The following SLC68A1 variants were observed in gnomAD, a reference collection of about 807,000 sequenced individuals.
SLC68A1 encodes the protein major facilitator superfamily domain containing 13A.
chr10:102,472,776 T>G, the SLC68A1 span: 1 of 1,034,736 alleles, frequency 9.7e-7, no homozygotes, highest in Non-Finnish European at 1.5e-6. Context: ...GGGGGGGATG[T>G]GTGTTCCCCT....
At chr10:102,463,291 T>C in the SLC68A1 span, among the ~76,000 whole-genome samples, 1 of 151,270 alleles carries the variant, frequency 6.6e-6, no homozygotes, top group South Asian at 2.1e-4. Context: ...TGCCTCAGCC[T>C]CCCGAGTAAG....
chr10:102,472,037 C>T, the SLC68A1 span: 1 of 455,842 alleles, frequency 2.2e-6, no homozygotes, highest in Non-Finnish European at 4.4e-6. Flanking sequence ...GTGGCTCACG[C>T]CTGTAATCCC....
At chr10:102,470,023 G>A in the SLC68A1 span, 1 of 1,614,044 alleles carries the variant, frequency 6.2e-7, no homozygotes, top group Non-Finnish European at 8.5e-7. Flanking sequence ...CAGCCTCAAT[G>A]ACCCCCTCTT....
At chr10:102,473,110 G>A in the SLC68A1 span, 1 of 661,350 alleles carries the variant, frequency 1.5e-6, no homozygotes, top group Non-Finnish European at 2.7e-6. Flanking sequence ...ACAGGTGTGA[G>A]CCACTGCGCC....
chr10:102,464,187 C>T, the SLC68A1 span, among the ~76,000 whole-genome samples: 1 of 152,194 alleles, frequency 6.6e-6, no homozygotes, highest in Non-Finnish European at 1.5e-5. Flanking sequence ...CACGGTGGCT[C>T]TCGCCTGTGA....
the SLC68A1 span, among the ~76,000 whole-genome samples, chr10:102,475,549 G>A: frequency 6.6e-6 from 1 of 152,118 alleles, no homozygotes; most frequent in East Asian, 1.9e-4. Context: ...GGTGGATGGT[G>A]GTGCCCGTCA....
At chr10:102,469,456 A>G in the SLC68A1 span, among the ~76,000 whole-genome samples, 1 of 152,062 alleles carries the variant, frequency 6.6e-6, no homozygotes, top group Non-Finnish European at 1.5e-5. Context: ...ATGTTCACGT[A>G]TATGAATTTA....
chr10:102,469,798 CGGCCTCCCAAAGT>C, the SLC68A1 span: 2 of 974,618 alleles, frequency 2.1e-6, no homozygotes, highest in African/African-American at 3.5e-5. Flanking sequence ...CCACCTGCCT[CGGCCTCCCAAAGT>C]GCTGGTGTGA....
At chr10:102,471,594 A>C in the SLC68A1 span, among the ~76,000 whole-genome samples, 3 of 152,150 alleles carry the variant, frequency 2.0e-5, no homozygotes, top group East Asian at 5.8e-4. Context: ...ACCCCATAAA[A>C]ATACAAAAAT....
chr10:102,469,531 A>T, the SLC68A1 span, among the ~76,000 whole-genome samples: 1 of 149,182 alleles, frequency 6.7e-6, no homozygotes, highest in Non-Finnish European at 1.5e-5. Context: ...CAGTGGTTTG[A>T]CTGGCAGAGT....
the SLC68A1 span, chr10:102,470,742 C>G: frequency 1.2e-6 from 2 of 1,613,646 alleles, no homozygotes; most frequent in South Asian, 1.1e-5. Context: ...CCGCTGCTGG[C>G]GCTGTCGTTC....
chr10:102,473,055 C>A, the SLC68A1 span: 1 of 905,956 alleles, frequency 1.1e-6, no homozygotes, highest in Non-Finnish European at 1.8e-6. Flanking sequence ...CTCCATTTCC[C>A]GACCCAGTGA....
the SLC68A1 span, chr10:102,469,180 G>A: frequency 1.6e-5 from 26 of 1,613,942 alleles, no homozygotes; most frequent in Non-Finnish European, 2.2e-5. Context: ...CAACAAAATG[G>A]CCTTCTGGGT....
chr10:102,470,152 G>A, the SLC68A1 span: 10 of 1,368,980 alleles, frequency 7.3e-6, no homozygotes, highest in East Asian at 1.9e-4. Context: ...CCCTGCCTGT[G>A]TTTGGGGTGG....
chr10:102,473,944 C>T, the SLC68A1 span: 2 of 1,613,346 alleles, frequency 1.2e-6, no homozygotes, highest in Admixed American at 1.7e-5. Context: ...GGCATGGTTG[C>T]CTTGGTGACC....
the SLC68A1 span, chr10:102,476,154 AC>A: frequency 4.2e-6 from 5 of 1,202,714 alleles, no homozygotes; most frequent in Middle Eastern, 6.0e-4. Context: ...CACTGAAACC[AC>A]CACCCAGGTT....
chr10:102,473,684 T>C, the SLC68A1 span: 34 of 1,614,170 alleles, frequency 2.1e-5, no homozygotes, highest in South Asian at 3.6e-4. Context: ...GGACTTAGCC[T>C]GCTCATGTTG....
At chr10:102,472,768 G>T in the SLC68A1 span, 1 of 961,398 alleles carries the variant, frequency 1.0e-6, no homozygotes, top group South Asian at 1.3e-5. Context: ...GGGGAGTTGG[G>T]GGGGATGTGT....
the SLC68A1 span, among the ~76,000 whole-genome samples, chr10:102,466,561 T>C: frequency 6.6e-6 from 1 of 151,916 alleles, no homozygotes; most frequent in Non-Finnish European, 1.5e-5. Context: ...AAGGGTTGAA[T>C]TGCCTGAGGT....
Sources: gnomAD v4.1 joint callset for allele counts (sites outside exome capture counted in the v4.1 genomes callset) on GRCh38, gnomAD v4.1.1 for gene constraint, MANE v1.5 for transcripts, NCBI Gene and HGNC (gene_info 2026-07-23, HGNC 2026-07-21) for gene names.